The following PPP2R2B variants were observed in gnomAD, a reference collection of about 807,000 sequenced individuals.
PPP2R2B encodes the protein protein phosphatase 2 regulatory subunit Bbeta.
PPP2R2B carries 5 observed loss-of-function variants against 46.0 expected under a neutral mutation model. That is an observed-to-expected ratio of 0.11 (90% CI 0.06 to 0.23). PPP2R2B has a LOEUF of 0.23. Among genes scored for constraint, PPP2R2B ranks in the 10% least tolerant of loss-of-function variants. The pLI is 1.00. For missense variants in PPP2R2B, 367 were observed against 575.0 expected, an observed-to-expected ratio of 0.64 and a Z score of 3.70; for synonymous variants, 215 against 206.7, an observed-to-expected ratio of 1.04 and a Z score of -0.34.
At chr5:146,914,703 G>A (rs1763314797) in intron 1 of PPP2R2B, among the ~76,000 whole-genome samples, 1 of 152,194 alleles carries the variant, frequency 6.6e-6, no homozygotes, top group Non-Finnish European at 1.5e-5. Context: ...AAAGAATAAA[G>A]GTCATATGTT....
At chr5:146,913,481 T>C (rs319167) in intron 1 of PPP2R2B, among the ~76,000 whole-genome samples, 33,104 of 152,016 alleles carry the variant, frequency 0.22, 4,886 homozygotes, top group African/African-American at 0.41. Context: ...GGCCAACATA[T>C]AGTTCCAGTA....
At chr5:146,816,494 G>A (rs374203754) in intron 2 of PPP2R2B, among the ~76,000 whole-genome samples, 194 of 152,168 alleles carry the variant, frequency 1.3e-3, no homozygotes, top group Non-Finnish European at 2.1e-3. Flanking sequence ...GAGTTTATGC[G>A]CCTATTAAAC....
intron 1 of PPP2R2B, among the ~76,000 whole-genome samples, chr5:146,996,527 C>T (rs905585770): frequency 6.6e-5 from 10 of 152,072 alleles, no homozygotes; most frequent in Non-Finnish European, 1.0e-4. Flanking sequence ...TAGGCAGCTC[C>T]TGAAGATCCC....
chr5:146,757,389 G>A (rs1228268425), intron 2 of PPP2R2B, among the ~76,000 whole-genome samples: 1 of 152,106 alleles, frequency 6.6e-6, no homozygotes. Context: ...TGCCATGTAG[G>A]GTGAGGATTG....
At chr5:146,988,940 A>G (rs1753557474) in intron 1 of PPP2R2B, among the ~76,000 whole-genome samples, 1 of 152,026 alleles carries the variant, frequency 6.6e-6, no homozygotes, top group East Asian at 1.9e-4. Flanking sequence ...ATGCCACAGA[A>G]ATACAAAGGA....
intron 8 of PPP2R2B, among the ~76,000 whole-genome samples, chr5:146,595,080 T>G (rs1214866790): frequency 1.3e-5 from 2 of 152,232 alleles, no homozygotes; most frequent in Admixed American, 1.3e-4. Flanking sequence ...TTTCTAACTC[T>G]GCAAATTAAT....
At chr5:146,599,051 A>G (rs1771519322) in intron 8 of PPP2R2B, among the ~76,000 whole-genome samples, 3 of 152,078 alleles carry the variant, frequency 2.0e-5, no homozygotes, top group Non-Finnish European at 4.4e-5. Context: ...ATCTAACCCC[A>G]AATAGCTTAA....
chr5:146,787,477 C>A (rs1228827048), intron 2 of PPP2R2B, among the ~76,000 whole-genome samples: 2 of 152,124 alleles, frequency 1.3e-5, no homozygotes, highest in Non-Finnish European at 2.9e-5. Context: ...TCTTGGGCCA[C>A]CAGAGCTCTT....
chr5:146,600,987 A>G (rs141580237), intron 7 of PPP2R2B, among the ~76,000 whole-genome samples: 49 of 152,284 alleles, frequency 3.2e-4, no homozygotes, highest in Non-Finnish European at 6.2e-4. Context: ...GGTAAACACC[A>G]TCTACTTTCT....
intron 1 of PPP2R2B, among the ~76,000 whole-genome samples, chr5:146,951,510 C>A (rs1300401724): frequency 6.6e-6 from 1 of 151,978 alleles, no homozygotes; most frequent in Non-Finnish European, 1.5e-5. Context: ...TCCCCCATCT[C>A]CCGACAGGTC....
chr5:146,621,636 A>G (rs1561779704), intron 7 of PPP2R2B, among the ~76,000 whole-genome samples: 2 of 152,236 alleles, frequency 1.3e-5, no homozygotes, highest in South Asian at 4.2e-4. Flanking sequence ...GACTTAACAC[A>G]ATGTACCGAG....
chr5:146,741,883 T>G (rs73320100), intron 2 of PPP2R2B, among the ~76,000 whole-genome samples: 1,652 of 152,358 alleles, frequency 0.011, 28 homozygotes, highest in African/African-American at 0.038. Flanking sequence ...ATTAGCCTAG[T>G]ATCCAAATAT....
chr5:147,081,247 A>C, intron 1 of PPP2R2B: 1 of 1,535,658 alleles, frequency 6.5e-7, no homozygotes, highest in Non-Finnish European at 8.7e-7. Flanking sequence ...CTAAAAGGAG[A>C]CTTGCACACC....
chr5:146,648,378 A>G (rs1775722419), intron 6 of PPP2R2B, among the ~76,000 whole-genome samples: 1 of 152,186 alleles, frequency 6.6e-6, no homozygotes, highest in Non-Finnish European at 1.5e-5. Flanking sequence ...TTGAGCCATT[A>G]TGGGGTCTAT....
intron 6 of PPP2R2B, among the ~76,000 whole-genome samples, chr5:146,645,793 G>A (rs1775541690): frequency 6.6e-6 from 1 of 152,164 alleles, no homozygotes; most frequent in Non-Finnish European, 1.5e-5. Context: ...TTCAGAGACT[G>A]GACTTCTGAA....
At chr5:146,908,132 G>A (rs1312526855) in intron 1 of PPP2R2B, among the ~76,000 whole-genome samples, 1 of 152,140 alleles carries the variant, frequency 6.6e-6, no homozygotes, top group East Asian at 1.9e-4. Flanking sequence ...GTACCCCAGG[G>A]CACCACAGTG....
At chr5:146,772,404 A>T (rs200522090) in intron 2 of PPP2R2B, among the ~76,000 whole-genome samples, 1 of 5,582 alleles carries the variant, frequency 1.8e-4, no homozygotes, top group African/African-American at 3.7e-4. Flanking sequence ...ATATATATAT[A>T]TATATATATA....
At chr5:146,607,167 A>C (rs939677171) in intron 7 of PPP2R2B, 4 of 152,200 alleles carry the variant, frequency 2.6e-5, no homozygotes, top group African/African-American at 9.6e-5. Context: ...TACAGAAGAC[A>C]CATCCAATAA....
Position 146,585,646 on chromosome 5 carries a change from A to G in PPP2R2B, c.*4301T>C, listed in dbSNP as rs1770120023. 6.6e-6 allele frequency: 1 copy of G among 152,090 alleles called. No individual in the cohort carries two copies. The highest frequency in any genetic ancestry group is 2.4e-5 in the African/African-American group (1 of 41,414). The allele number at this position is 152,090 out of a possible 1,614,324, so 9.4% of individuals were successfully genotyped here. On this transcript the variant is annotated 3_prime_UTR_variant, in exon 10 of 10. Coordinates refer to ENST00000394411, the MANE Select transcript of PPP2R2B (RefSeq NM_181675.4). ...TTGGCTAGGTTGACAACTTGAGTCT[A>G]TTTTCTCATTTGCAAAATGGAAATA...
Sources: gnomAD v4.1 joint callset for allele counts (sites outside exome capture counted in the v4.1 genomes callset) on GRCh38, gnomAD v4.1.1 for gene constraint, MANE v1.5 for transcripts, NCBI Gene and HGNC (gene_info 2026-07-23, HGNC 2026-07-21) for gene names.